Variants in PLEKHG3 observed in about 807,000 individuals in gnomAD.
PLEKHG3 encodes the protein pleckstrin homology and RhoGEF domain containing G3, also known as pleckstrin homology domain-containing family G member 3.
A neutral mutation model predicts 94.9 loss-of-function variants in PLEKHG3; 62 were observed. The ratio of observed to expected loss-of-function variants is 0.65; its 90% CI spans 0.53 to 0.81. PLEKHG3 has a LOEUF of 0.81. PLEKHG3 is among the 30% of genes least tolerant of loss of function. The probability of loss-of-function intolerance (pLI) is 0.00; values close to 1 mark genes in which losing one functional copy is unlikely to be tolerated. For synonymous variants in PLEKHG3, 614 were observed against 654.0 expected, an observed-to-expected ratio of 0.94 and a Z score of 0.93; for missense variants, 1,461 against 1,619.3, an observed-to-expected ratio of 0.90 and a Z score of 1.68.
In PLEKHG3 at chr14:64,743,728, G is replaced by C. The variant is rs1470812297; in HGVS notation, c.*25G>C. On this transcript the variant is annotated 3_prime_UTR_variant, in exon 17 of 17. Transcript: ENST00000247226. This position sits in a 1 kb window ranked among gnomAD's most constrained non-coding sequence, Gnocchi z 7.2. Reference sequence around the variant, plus strand: ...ATGCTGACTCCTGGGGGAGGGAGGAGTCATGTTGGAGGTTGGGGAAGAACC... The same window carrying C: ...ATGCTGACTCCTGGGGGAGGGAGGACTCATGTTGGAGGTTGGGGAAGAACC... The C allele has an allele frequency of 6.6e-7, 1 of 1,514,722 alleles. No homozygotes were observed. Among genetic ancestry groups the C allele is most frequent in the African/African-American group, 1.4e-5 (1 of 72,346 alleles). 93.8% of individuals were successfully genotyped at this position (1,514,722 alleles called of 1,614,324 possible). A position where few individuals can be genotyped will look rare whatever the true frequency, so the allele number is the denominator to read the frequency against.
In PLEKHG3 at chr14:64,732,349, C is replaced by A; in HGVS notation, c.1213-78C>A. The stretch of plus-strand genomic sequence containing the variant: ...TGCAGCACTGTGGGGTGTCCTCGTA[C>A]AGCAACAGTGGGTCCTATGGGCAGG... On this transcript the variant is annotated intron_variant, in intron 10 of 16. Coordinates refer to ENST00000247226, the MANE Select transcript of PLEKHG3 (RefSeq NM_001308147.2). This position sits in a 1 kb window ranked among gnomAD's most constrained non-coding sequence, Gnocchi z 4.9. The A allele has an allele frequency of 7.2e-7, 1 of 1,395,082 alleles. No homozygotes were observed. The highest frequency in any genetic ancestry group is 1.0e-6 in the Non-Finnish European group (1 of 980,996). 86.4% of individuals were successfully genotyped at this position (1,395,082 alleles called of 1,614,324 possible). A position where few individuals can be genotyped will look rare whatever the true frequency, so the allele number is the denominator to read the frequency against.
chr14:64,730,767 C>T lies in PLEKHG3; in HGVS notation c.567-32C>T, dbSNP rs747763775. On this transcript the variant is annotated intron_variant, in intron 5 of 16. Transcript: ENST00000247226. The surrounding 1 kb of genome is among the most constrained non-coding windows in gnomAD (Gnocchi z 5.4). ...CCCACTTCCTCATCCAGGCCTTCCC[C>T]AGGTGGTGACTGGCCCTTCTCCCAC... 6.6e-5 allele frequency: 106 copies of T among 1,612,372 alleles called. No homozygotes were observed. The highest frequency in any genetic ancestry group is 1.6e-4 in the Middle Eastern group (1 of 6,062).
At chr14:64,733,164 C>CCT (rs1555361509) in intron 12 of PLEKHG3, among the ~76,000 whole-genome samples, 1 of 135,358 alleles carries the variant, frequency 7.4e-6, no homozygotes, top group African/African-American at 2.8e-5. Flanking sequence ...TTTTCTTTTT[C>CCT]TTTTTTTTTT....
intron 14 of PLEKHG3, chr14:64,737,789 C>CT (rs1157361192): frequency 3.8e-6 from 3 of 787,636 alleles, no homozygotes; most frequent in Non-Finnish European, 5.1e-6. Context: ...AGGCTCCCCC[C>CT]CCGCAGCTGC....
intron 12 of PLEKHG3, among the ~76,000 whole-genome samples, chr14:64,734,897 T>G (rs1267614334): frequency 6.6e-6 from 1 of 152,020 alleles, no homozygotes; most frequent in Admixed American, 6.6e-5. Context: ...GTTTTTTTTT[T>G]GTATTTTTAG....
intron 1 of PLEKHG3, among the ~76,000 whole-genome samples, chr14:64,713,579 T>A (rs1232816033): frequency 6.6e-6 from 1 of 152,246 alleles, no homozygotes; most frequent in Non-Finnish European, 1.5e-5. Context: ...TGACATTTCC[T>A]TATCATCCTT....
rs1985465 is a variant in PLEKHG3, at chr14:64,723,256, G to C, written c.-39-4337G>C. 0.16 allele frequency among the ~76,000 whole-genome samples: 24,537 copies of C among 152,092 alleles called. 2,129 individuals carry two copies. Among genetic ancestry groups the C allele is most frequent in the African/African-American group, 0.22 (9,098 of 41,474 alleles). Reference sequence around the variant, plus strand: ...CCTGGATCCTTAAAGGTGTATGTCTGAGCTGCTGCTTAGGCCCATCAAAAA... The same window carrying C: ...CCTGGATCCTTAAAGGTGTATGTCTCAGCTGCTGCTTAGGCCCATCAAAAA... On this transcript the variant is annotated intron_variant, in intron 1 of 16. Coordinates refer to ENST00000247226, the MANE Select transcript of PLEKHG3 (RefSeq NM_001308147.2). The surrounding 1 kb of genome is among the most constrained non-coding windows in gnomAD (Gnocchi z 4.5).
rs1426169882 is a variant in PLEKHG3 at position 64,704,478 on chromosome 14, C to G, written c.-266C>G. ...CTCCCGCTGCAGCTCCGGCTCCGCT[C>G]GACTTCCTGCCGGGCGCTGGCAAGC... On this transcript the variant is annotated 5_prime_UTR_variant, in exon 1 of 17. Coordinates refer to ENST00000247226, the MANE Select transcript of PLEKHG3 (RefSeq NM_001308147.2). The surrounding 1 kb of genome is among the most constrained non-coding windows in gnomAD (Gnocchi z 5.6). 6.3e-6 allele frequency: 1 copy of G among 157,708 alleles called. No homozygotes were observed. Among genetic ancestry groups the G allele is most frequent in the African/African-American group, 2.4e-5 (1 of 41,176 alleles). 9.8% of individuals were successfully genotyped at this position (157,708 alleles called of 1,614,324 possible). A position where few individuals can be genotyped will look rare whatever the true frequency, so the allele number is the denominator to read the frequency against.
intron 13 of PLEKHG3, 49 bp from the exon 14 acceptor site, chr14:64,737,307 C>T (rs766868823): frequency 3.3e-6 from 5 of 1,509,222 alleles, no homozygotes; most frequent in Non-Finnish European, 4.6e-6. Context: ...CCCCTCCCCT[C>T]CCCTGCCCCT....
At position 64,743,148 on chromosome 14, in the gene PLEKHG3, C is replaced by T. The variant is rs1190104056; in HGVS notation, c.3105C>T (p.Ala1035=). The change falls in exon 17 of 17, where the codon GCC becomes GCT. Residue 1035 remains alanine (A), a synonymous_variant. Transcript: ENST00000247226. The surrounding 1 kb of genome is among the most constrained non-coding windows in gnomAD (Gnocchi z 7.2). The stretch of plus-strand genomic sequence containing the variant: ...CCTCGCCTGGGGGCCGGCCCTCCGC[C>T]CGGAGCCCCCTCAGCCCCACAGAGA... ...RTTSPGGRPS[A]RSPLSPTETF... is the part of the protein sequence containing the mutation. The T allele has an allele frequency of 6.2e-7, 1 of 1,611,448 alleles. No individual in the cohort carries two copies. The highest frequency in any genetic ancestry group is 1.7e-5 in the Admixed American group (1 of 60,014).
At chr14:64,736,595 C>T (rs1309340393) in intron 12 of PLEKHG3, among the ~76,000 whole-genome samples, 1 of 152,150 alleles carries the variant, frequency 6.6e-6, no homozygotes, top group Non-Finnish European at 1.5e-5. Flanking sequence ...TGCATTGCAT[C>T]ATGGGTGGTA....
chr14:64,737,306 TC>T (rs758012257), intron 13 of PLEKHG3, 49 bp from the exon 14 acceptor site: 271 of 1,501,084 alleles, frequency 1.8e-4, no homozygotes, highest in Admixed American at 5.2e-4. Context: ...TCCCCTCCCC[TC>T]CCCTGCCCCT....
At chr14:64,734,102 C>T (rs935209253) in intron 12 of PLEKHG3, among the ~76,000 whole-genome samples, 3 of 152,032 alleles carry the variant, frequency 2.0e-5, no homozygotes, top group African/African-American at 4.8e-5. Context: ...TGTTAGCCTT[C>T]GAGAAGGTGG....
rs1555361470 is a variant in PLEKHG3, at chr14:64,732,945, C to G, written c.1345+44C>G. 8.1e-7 allele frequency: 1 copy of G among 1,230,118 alleles called. No homozygotes were observed. Among genetic ancestry groups the G allele is most frequent in the South Asian group, 1.3e-5 (1 of 78,246 alleles). 76.2% of individuals were successfully genotyped at this position (1,230,118 alleles called of 1,614,324 possible). On this transcript the variant is annotated intron_variant, in intron 12 of 16. Coordinates refer to ENST00000247226, the MANE Select transcript of PLEKHG3 (RefSeq NM_001308147.2). The surrounding 1 kb of genome is among the most constrained non-coding windows in gnomAD (Gnocchi z 4.9). ...AGGCAGGAGGCCTCTCCCTCACACC[C>G]TTGCCCAGACTGGGGACCGTCTGCG...
At position 64,741,450 on chromosome 14, in the gene PLEKHG3, G is replaced by A; in HGVS notation, c.1933G>A (p.Glu645Lys). The A allele has an allele frequency of 6.2e-7, 1 of 1,612,626 alleles. No individual in the cohort carries two copies. Among genetic ancestry groups the A allele is most frequent in the Non-Finnish European group, 8.5e-7 (1 of 1,180,008 alleles). The change falls in exon 16 of 17, where the codon GAG becomes AAG. Residue 645 changes from glutamate (E) to lysine (K), a missense_variant. Physicochemically the swap from Glu to Lys is moderately conservative, Grantham distance 56 (BLOSUM62 1). This residue lies in a region of PLEKHG3 where 1,201 missense variants were observed against 1,295.5 expected (regional missense o/e 0.93). Transcript: ENST00000247226. ...CCGGAGCAGCAGCGTGCTCAGCCTG[G>A]AGGGCAGCGAGAAGGGCCTGGCCCG... ...VSRSSSVLSL[E>K]GSEKGLARHG... is the part of the protein sequence containing the mutation.
At chr14:64,724,232 A>G (rs763699826) in intron 1 of PLEKHG3, among the ~76,000 whole-genome samples, 3 of 152,082 alleles carry the variant, frequency 2.0e-5, no homozygotes, top group Non-Finnish European at 4.4e-5. Context: ...AGCTGAGTGC[A>G]GTGCACTCAG....
At chr14:64,719,034 A>G (rs1184101099) in intron 1 of PLEKHG3, among the ~76,000 whole-genome samples, 1 of 151,694 alleles carries the variant, frequency 6.6e-6, no homozygotes, top group East Asian at 1.9e-4. Context: ...CGGGATTCGG[A>G]CTCACTTAAT....
chr14:64,730,297 C>T lies in PLEKHG3; in HGVS notation c.504C>T (p.Ser168=). 1 of 1,534,404 alleles carries T rather than the reference C, an allele frequency of 6.5e-7. No individual in the cohort carries two copies. The highest frequency in any genetic ancestry group is 2.4e-5 in the East Asian group (1 of 40,912). ...ATAGTGACCCCGTGGCTGTGGCCAG[C>T]TGCTTTGTGGAAAGGGTAAGAAGGG... ...SCNSDPVAVA[S]CFVERSQEFD... is the part of the protein sequence containing the mutation. Residue 168 remains serine (S), a synonymous_variant, in exon 4 of 17, where the codon AGC becomes AGT. Coordinates refer to ENST00000247226, the MANE Select transcript of PLEKHG3 (RefSeq NM_001308147.2). The surrounding 1 kb of genome is among the most constrained non-coding windows in gnomAD (Gnocchi z 5.4).
Position 64,729,094 on chromosome 14 carries a change from G to A in PLEKHG3, c.449+1G>A. Reference sequence around the variant, plus strand: ...TAGAAAATATCTACGCGCTGAACAGGTGTGTGAATGGGCCTGACACTCACC... The same window carrying A: ...TAGAAAATATCTACGCGCTGAACAGATGTGTGAATGGGCCTGACACTCACC... On this transcript the variant is annotated splice_donor_variant, in intron 3 of 16. Coordinates refer to ENST00000247226, the MANE Select transcript of PLEKHG3 (RefSeq NM_001308147.2). LOFTEE classifies it high-confidence loss of function. The A allele has an allele frequency of 7.1e-7, 1 of 1,409,340 alleles. No individual in the cohort carries two copies. The highest frequency in any genetic ancestry group is 9.7e-7 in the Non-Finnish European group (1 of 1,032,688). 87.3% of individuals were successfully genotyped at this position (1,409,340 alleles called of 1,614,324 possible). A position where few individuals can be genotyped will look rare whatever the true frequency, so the allele number is the denominator to read the frequency against.
Sources: allele counts gnomAD v4.1 joint callset (sites outside exome capture counted in the v4.1 genomes callset), GRCh38; gene constraint gnomAD v4.1.1; regional missense constraint gnomAD v4.1.1; non-coding constraint Gnocchi (gnomAD v3.1); transcripts MANE v1.5; gene names NCBI Gene and HGNC (gene_info 2026-07-23, HGNC 2026-07-21).